CACNA1E: variants seen among roughly 807,000 people sequenced by gnomAD.
The protein encoded by CACNA1E is calcium voltage-gated channel subunit alpha1 E.
A neutral mutation model predicts 259.2 loss-of-function variants in CACNA1E; 40 were observed. The ratio of observed to expected loss-of-function variants is 0.15; its 90% CI spans 0.12 to 0.20. The LOEUF (loss-of-function observed/expected upper bound fraction) is 0.20, where lower values mean the gene tolerates loss of function less well. Ranked by LOEUF, CACNA1E falls within the 10% of genes least tolerant of loss-of-function variation. The probability of loss-of-function intolerance (pLI) is 1.00; values close to 1 mark genes in which losing one functional copy is unlikely to be tolerated. For missense variants in CACNA1E, 1,874 were observed against 3,040.1 expected, an observed-to-expected ratio of 0.62 and a Z score of 9.02; for synonymous variants, 1,104 against 1,138.5, an observed-to-expected ratio of 0.97 and a Z score of 0.61.
At chr1:181,394,419 T>C (rs1656512582) in intron 1 of CACNA1E, among the ~76,000 whole-genome samples, 1 of 152,260 alleles carries the variant, frequency 6.6e-6, no homozygotes, top group African/African-American at 2.4e-5. Context: ...GATAATTTAC[T>C]CATTCACTAA....
rs1005058441 is a variant in CACNA1E, at chr1:181,737,520, C to T, written c.3423-5C>T. ...GGCCAGCTCAGCCATGCCCACTGCC[C>T]GCAGGATCCGGAGGGCCTGCCACTA... On this transcript the variant is annotated splice_region_variant and splice_polypyrimidine_tract_variant and intron_variant, in intron 22 of 47. Transcript: ENST00000367573. 1.3e-5 allele frequency: 21 copies of T among 1,613,378 alleles called. No individual in the cohort carries two copies. The highest frequency in any genetic ancestry group is 3.3e-4 in the Middle Eastern group (2 of 6,078).
chr1:181,332,695 G>A (rs891102802), intron 1 of CACNA1E, among the ~76,000 whole-genome samples: 1 of 152,178 alleles, frequency 6.6e-6, no homozygotes, highest in African/African-American at 2.4e-5. Context: ...TTATATCCCA[G>A]ACTTGCTCCT....
intron 6 of CACNA1E, among the ~76,000 whole-genome samples, chr1:181,643,369 A>G (rs545702896): frequency 1.3e-5 from 2 of 152,358 alleles, no homozygotes; most frequent in Admixed American, 1.3e-4. Flanking sequence ...AGGGATTTTA[A>G]GCACAGCAGG....
chr1:181,706,971 C>T (rs1652855106), intron 7 of CACNA1E, among the ~76,000 whole-genome samples: 1 of 152,222 alleles, frequency 6.6e-6, no homozygotes, highest in Admixed American at 6.5e-5. Flanking sequence ...TGGAATCTAT[C>T]ATACCAGACA....
At chr1:181,631,918 C>A (rs1471565104) in intron 6 of CACNA1E, among the ~76,000 whole-genome samples, 1 of 152,108 alleles carries the variant, frequency 6.6e-6, no homozygotes, top group Non-Finnish European at 1.5e-5. Flanking sequence ...ATCAGATTTA[C>A]CTCAGGTTTC....
intron 3 of CACNA1E, among the ~76,000 whole-genome samples, chr1:181,552,440 G>T (rs1251654647): frequency 6.6e-6 from 1 of 150,860 alleles, no homozygotes; most frequent in East Asian, 1.9e-4. Flanking sequence ...AGTATTCATA[G>T]CTTTTTTTTT....
chr1:181,673,496 G>A (rs1649028406), intron 7 of CACNA1E, among the ~76,000 whole-genome samples: 1 of 152,204 alleles, frequency 6.6e-6, no homozygotes, highest in Admixed American at 6.5e-5. Flanking sequence ...CACATTCAAG[G>A]AGTAGATCAT....
chr1:181,721,989 ATTGT>A (rs1654454398), intron 16 of CACNA1E, 114 bp downstream of exon 16: 2 of 711,394 alleles, frequency 2.8e-6, no homozygotes, highest in Non-Finnish European at 5.2e-6. Flanking sequence ...GGGCGTGGAC[ATTGT>A]TTGGTGTACT....
chr1:181,755,482 C>T (rs1658010931), intron 28 of CACNA1E, 85 bp downstream of exon 28: 1 of 1,036,478 alleles, frequency 9.6e-7, no homozygotes, highest in Admixed American at 1.9e-5. Flanking sequence ...CACCCTCCCT[C>T]CTTTCTATCT....
At chr1:181,431,100 A>G (rs1266153253) in intron 2 of CACNA1E, among the ~76,000 whole-genome samples, 1 of 150,440 alleles carries the variant, frequency 6.6e-6, no homozygotes, top group African/African-American at 2.4e-5. Flanking sequence ...TTTTTTTAGG[A>G]AAAATGTTTA....
chr1:181,653,903 C>T (rs1398975626), intron 7 of CACNA1E, among the ~76,000 whole-genome samples: 1 of 152,208 alleles, frequency 6.6e-6, no homozygotes, highest in African/African-American at 2.4e-5. Context: ...ATTCTACAAG[C>T]TCCAAGCTTG....
chr1:181,630,670 G>A (rs946877470), intron 6 of CACNA1E, among the ~76,000 whole-genome samples: 1 of 152,050 alleles, frequency 6.6e-6, no homozygotes, highest in Non-Finnish European at 1.5e-5. Context: ...CTGGTATCAG[G>A]CAGCTTCAGA....
intron 1 of CACNA1E, among the ~76,000 whole-genome samples, chr1:181,363,879 A>G (rs922013819): frequency 2.0e-5 from 3 of 152,162 alleles, no homozygotes; most frequent in African/African-American, 7.2e-5. Flanking sequence ...CGGATAGGAG[A>G]GGTGGGGCCA....
At chr1:181,429,662 T>C (rs530863176) in intron 2 of CACNA1E, among the ~76,000 whole-genome samples, 1 of 152,344 alleles carries the variant, frequency 6.6e-6, no homozygotes, top group African/African-American at 2.4e-5. Flanking sequence ...TTATTACTCA[T>C]GTTTGTTATT....
intron 18 of CACNA1E, among the ~76,000 whole-genome samples, chr1:181,728,541 T>C (rs144674721): frequency 6.6e-6 from 1 of 152,316 alleles, no homozygotes; most frequent in East Asian, 1.9e-4. Context: ...CTCAGGTATG[T>C]ACCCTGCACA....
chr1:181,434,476 A>T (rs563854333), intron 2 of CACNA1E, among the ~76,000 whole-genome samples: 15 of 152,102 alleles, frequency 9.9e-5, no homozygotes, highest in African/African-American at 3.4e-4. Context: ...TTAAATTTTA[A>T]TGGGAGACAT....
intron 1 of CACNA1E, among the ~76,000 whole-genome samples, chr1:181,335,851 C>T (rs1052869436): frequency 5.9e-5 from 9 of 152,172 alleles, no homozygotes; most frequent in African/African-American, 9.7e-5. Flanking sequence ...GGAGCCTTTC[C>T]GCAGCCAAGT....
chr1:181,650,993 G>T (rs1239749882), intron 6 of CACNA1E, among the ~76,000 whole-genome samples: 2 of 152,250 alleles, frequency 1.3e-5, no homozygotes, highest in Non-Finnish European at 2.9e-5. Flanking sequence ...AATTTTGTGT[G>T]CAGAGGCTTA....
At chr1:181,771,240 C>A in intron 35 of CACNA1E, 53 bp from the exon 36 acceptor site, 4 of 1,007,894 alleles carry the variant, frequency 4.0e-6, no homozygotes, top group Non-Finnish European at 4.6e-6. Context: ...ATGTGCTGGA[C>A]ACATCACACA....
Sources: allele counts gnomAD v4.1 joint callset (sites outside exome capture counted in the v4.1 genomes callset), GRCh38; gene constraint gnomAD v4.1.1; transcripts MANE v1.5; gene names NCBI Gene and HGNC (gene_info 2026-07-23, HGNC 2026-07-21).